BRD4: variants seen among roughly 807,000 people sequenced by gnomAD.
The protein encoded by BRD4 is bromodomain-containing protein 4.
In BRD4, 16 loss-of-function variants were observed where a neutral mutation model predicts 142.1. The observed-to-expected ratio is 0.11, with a 90% CI of 0.08 to 0.17. The LOEUF (loss-of-function observed/expected upper bound fraction) is 0.17. Among genes scored for constraint, BRD4 ranks in the 10% least tolerant of loss-of-function variants. The probability of loss-of-function intolerance (pLI) is 1.00; values close to 1 mark genes in which losing one functional copy is unlikely to be tolerated. For missense variants in BRD4, 1,424 were observed against 1,810.9 expected, an observed-to-expected ratio of 0.79 and a Z score of 3.88; for synonymous variants, 833 against 707.5, an observed-to-expected ratio of 1.18 and a Z score of -2.82.
intron 1 of BRD4, among the ~76,000 whole-genome samples, chr19:15,297,223 C>T (rs772090272): frequency 7.9e-5 from 12 of 152,326 alleles, no homozygotes; most frequent in Middle Eastern, 3.4e-3. Context: ...ACAAAAGACA[C>T]AACATAGCAT....
intron 11 of BRD4, chr19:15,253,478 G>A (rs2047369823): frequency 7.1e-7 from 1 of 1,401,700 alleles, no homozygotes; most frequent in South Asian, 1.3e-5. Flanking sequence ...CAGACCCACG[G>A]GGCTTGAAAA....
intron 1 of BRD4, among the ~76,000 whole-genome samples, chr19:15,285,391 A>G (rs1391787859): frequency 6.6e-6 from 1 of 152,186 alleles, no homozygotes; most frequent in Non-Finnish European, 1.5e-5. Flanking sequence ...CCAAAAATAC[A>G]AAAGATTAGC....
chr19:15,238,993 T>A lies in BRD4; in HGVS notation c.3783-13A>T, dbSNP rs201682548. On this transcript the variant is annotated splice_polypyrimidine_tract_variant and intron_variant, in intron 18 of 19. Coordinates refer to ENST00000679869, the MANE Select transcript of BRD4 (RefSeq NM_001379291.1). This position sits in a 1 kb window ranked among gnomAD's most constrained non-coding sequence, Gnocchi z 7.2. ...GTCCTCTCGGCTCCTGGGCAGAGGG[T>A]CCCAGTCAGCCTGGGGACTGGTGTG... 2.4e-5 allele frequency: 38 copies of A among 1,579,014 alleles called. No homozygotes were observed. Among genetic ancestry groups the A allele is most frequent in the Admixed American group, 6.8e-5 (4 of 58,920 alleles).
chr19:15,256,020 T>C (rs1446638622), intron 9 of BRD4, 44 bp downstream of exon 9: 6 of 1,605,168 alleles, frequency 3.7e-6, no homozygotes, highest in Non-Finnish European at 4.2e-6. Flanking sequence ...GAGCAAGCCC[T>C]GGAAGGAGGG....
chr19:15,318,731 C>T (rs2048036786), intron 1 of BRD4, among the ~76,000 whole-genome samples: 1 of 152,182 alleles, frequency 6.6e-6, no homozygotes. Context: ...GGCTCCATAC[C>T]AACAGCAAAT....
chr19:15,250,749 C>G (rs938641810), intron 11 of BRD4, among the ~76,000 whole-genome samples: 3 of 152,186 alleles, frequency 2.0e-5, no homozygotes, highest in Non-Finnish European at 4.4e-5. Context: ...TGGGAAGAAC[C>G]AGATGTCAGC....
chr19:15,272,152 G>C (rs796331138), intron 2 of BRD4, among the ~76,000 whole-genome samples: 5 of 152,296 alleles, frequency 3.3e-5, no homozygotes, highest in African/African-American at 1.2e-4. Context: ...CAGTTTGCTA[G>C]GGACATGGGC....
In BRD4 at chr19:15,236,793, T is replaced by G. The variant is rs758114442; in HGVS notation, c.*1584A>C. The G allele has an allele frequency of 5.6e-6, 1 of 177,954 alleles. No homozygotes were observed. The allele number at this position is 177,954 out of a possible 1,614,324, so 11.0% of individuals were successfully genotyped here. On this transcript the variant is annotated 3_prime_UTR_variant, in exon 20 of 20. Coordinates refer to ENST00000679869, the MANE Select transcript of BRD4 (RefSeq NM_001379291.1). ...TCCAGGGGGTCCCCTGGGCCTAGCC[T>G]AGGCAACAGTTGGTTCACAAAGAAA...
intron 9 of BRD4, 147 bp from the exon 10 acceptor site, chr19:15,255,739 T>A: frequency 9.0e-7 from 1 of 1,109,174 alleles, no homozygotes; most frequent in Non-Finnish European, 1.3e-6. Context: ...CATGGGCAAC[T>A]CAATCTCTGG....
At chr19:15,324,263 G>C (rs1223261005) in intron 1 of BRD4, among the ~76,000 whole-genome samples, 4 of 152,190 alleles carry the variant, frequency 2.6e-5, no homozygotes, top group African/African-American at 7.2e-5. Context: ...ACGAAAAATA[G>C]AACAAATGTC....
At chr19:15,249,331 G>A (rs2145539560) in intron 11 of BRD4, 1 of 1,613,846 alleles carries the variant, frequency 6.2e-7, no homozygotes. Context: ...GAGAAATGGT[G>A]TGGAATGTAC....
At position 15,266,884 on chromosome 19, in the gene BRD4, C is replaced by A. The variant is rs1599467292; in HGVS notation, c.559+532G>T. ...TTCCTAGAGTGGGCAGCTCTGCCAG[C>A]TGGCCCCTGGAACCCTGTGTCAGTT... On this transcript the variant is annotated intron_variant, in intron 4 of 19. Transcript: ENST00000679869. Among the ~76,000 whole-genome samples the A allele has an allele frequency of 3.3e-5, 5 of 152,320 alleles. No individual in the cohort carries two copies. In the East Asian group the frequency reaches 9.6e-4, roughly 29 times the overall value.
intron 1 of BRD4, among the ~76,000 whole-genome samples, chr19:15,320,238 G>A (rs1032172301): frequency 2.6e-5 from 4 of 152,112 alleles, no homozygotes; most frequent in African/African-American, 9.7e-5. Context: ...AGTGAGAACT[G>A]TAGGAAAACG....
At chr19:15,287,437 G>C (rs1035203492) in intron 1 of BRD4, among the ~76,000 whole-genome samples, 4 of 152,116 alleles carry the variant, frequency 2.6e-5, no homozygotes, top group African/African-American at 9.7e-5. Context: ...TAAAGATGGG[G>C]TCTTGCTATG....
intron 9 of BRD4, among the ~76,000 whole-genome samples, 176 bp from the exon 10 acceptor site, chr19:15,255,768 G>A (rs1181201506): frequency 4.6e-5 from 7 of 152,212 alleles, no homozygotes; most frequent in Non-Finnish European, 1.0e-4. Context: ...AGTGGAGACC[G>A]AAGCAAACTG....
At chr19:15,240,737 C>T (rs990103246) in intron 14 of BRD4, among the ~76,000 whole-genome samples, 10 of 152,200 alleles carry the variant, frequency 6.6e-5, no homozygotes, top group African/African-American at 9.7e-5. Context: ...GCCAGCACCT[C>T]GGGACTGTGC....
At chr19:15,328,955 T>C (rs2048133333) in intron 1 of BRD4, among the ~76,000 whole-genome samples, 1 of 152,194 alleles carries the variant, frequency 6.6e-6, no homozygotes, top group Non-Finnish European at 1.5e-5. Context: ...GTATTTTTAA[T>C]AGAGACGTGG....
intron 2 of BRD4, among the ~76,000 whole-genome samples, chr19:15,271,710 A>T (rs760479365): frequency 4.6e-5 from 7 of 152,216 alleles, no homozygotes; most frequent in African/African-American, 7.2e-5. Context: ...ATCTTGGTCA[A>T]TGGAGAGCGT....
chr19:15,259,913 C>A (rs2047450884), intron 7 of BRD4, among the ~76,000 whole-genome samples: 1 of 152,196 alleles, frequency 6.6e-6, no homozygotes, highest in Non-Finnish European at 1.5e-5. Context: ...AGCAAGAGGA[C>A]AGTAAAGCCC....
Sources: allele counts gnomAD v4.1 joint callset (sites outside exome capture counted in the v4.1 genomes callset), GRCh38; gene constraint gnomAD v4.1.1; non-coding constraint Gnocchi (gnomAD v3.1); transcripts MANE v1.5; gene names NCBI Gene and HGNC (gene_info 2026-07-23, HGNC 2026-07-21).